RYR1: variants seen among roughly 807,000 people sequenced by gnomAD.
RYR1 encodes ryanodine receptor 1.
Under a neutral mutation model 583.5 loss-of-function variants are expected in RYR1, and 342 were observed. The observed-to-expected ratio is 0.59, with a 90% CI of 0.54 to 0.64. The LOEUF is 0.64. Ranked by LOEUF, RYR1 falls within the 30% of genes least tolerant of loss-of-function variation. The pLI, the probability that RYR1 is intolerant of heterozygous loss-of-function variation, is 0.00. For missense variants in RYR1, 6,032 were observed against 6,917.2 expected (o/e 0.87, Z 4.54); for synonymous variants, 2,791 against 2,822.5 (o/e 0.99, Z 0.35).
chr19:38,467,858 C>T, intron 25 of RYR1, 46 bp downstream of exon 25: 7 of 1,585,758 alleles, frequency 4.4e-6, no homozygotes, highest in Non-Finnish European at 6.0e-6. Flanking sequence ...TGTGGTCTCT[C>T]CCACAGCTTG....
rs1465699727 is a variant in RYR1, at chr19:38,442,459, G to A, written c.270+6G>A. On this transcript the variant is annotated splice_donor_region_variant and intron_variant, in intron 3 of 105. Coordinates refer to ENST00000359596, the MANE Select transcript of RYR1 (RefSeq NM_000540.3). ...CGGTGGAGGCTGGCGTGGAGGTGAG[G>A]ACCCCACCTGGGGGTGGGCGGGGTG... 3.7e-6 allele frequency: 6 copies of A among 1,609,678 alleles called. No homozygotes were observed. The African/African-American group carries it at 5.4e-5, about 14-fold the overall frequency.
intron 76 of RYR1, among the ~76,000 whole-genome samples, chr19:38,529,467 G>A (rs1181305044): frequency 4.6e-5 from 7 of 152,104 alleles, no homozygotes; most frequent in African/African-American, 1.4e-4. Context: ...GCGACAGAGC[G>A]AGACTCTGTC....
At chr19:38,481,426 G>A (rs543562303) in intron 31 of RYR1, among the ~76,000 whole-genome samples, 247 of 152,248 alleles carry the variant, frequency 1.6e-3, no homozygotes, top group Middle Eastern at 0.01. Flanking sequence ...GATTACAGGT[G>A]TGCACCACCA....
rs537454225 is a variant in RYR1, at chr19:38,513,453, C to G, written c.9472+970C>G. Among the ~76,000 whole-genome samples the G allele has an allele frequency of 2.9e-3, 449 of 152,288 alleles. 2 individuals are homozygous for G. The highest frequency in any genetic ancestry group is 0.01 in the African/African-American group (430 of 41,556). ...TTGAGCCCAGGATTTCAAGACCAAC[C>G]TGGGCAACATAGCAAAACCCCATCT... On this transcript the variant is annotated intron_variant, in intron 63 of 105. Coordinates refer to ENST00000359596, the MANE Select transcript of RYR1 (RefSeq NM_000540.3).
At chr19:38,553,741 C>T (rs896274705) in intron 89 of RYR1, among the ~76,000 whole-genome samples, 1 of 152,222 alleles carries the variant, frequency 6.6e-6, no homozygotes, top group Non-Finnish European at 1.5e-5. Flanking sequence ...CCCACATCTA[C>T]CATGGTAAAG....
rs1483453854 is a variant in RYR1 at position 38,565,102 on chromosome 19, G to GCCGGAGA, written c.12772_12778dup (p.Asp4260GlyfsTer325). On this transcript the variant is annotated frameshift_variant, in exon 91 of 106. Transcript: ENST00000359596. LOFTEE classifies it high-confidence loss of function. This position sits in a 1 kb window ranked among gnomAD's most constrained non-coding sequence, Gnocchi z 4.7. Reference sequence around the variant, plus strand: ...CGCAGATCTCGGAGCCCGAGGGCGAGCCGGAGACCGACGAGGACGAGGGCG... The same window carrying GCCGGAGA: ...CGCAGATCTCGGAGCCCGAGGGCGAGCCGGAGACCGGAGACCGACGAGGACGAGGGCG... 6.5e-7 allele frequency: 1 copy of GCCGGAGA among 1,547,352 alleles called. No homozygotes were observed. Among genetic ancestry groups the GCCGGAGA allele is most frequent in the Non-Finnish European group, 8.7e-7 (1 of 1,149,550 alleles).
At position 38,468,961 on chromosome 19, in the gene RYR1, C is replaced by T; in HGVS notation, c.3382-5C>T. ...ACACCATGTCTTCTCTGGCTGTCCT[C>T]ACAGGGCCAGCGCTGGCACTTGGGC... On this transcript the variant is annotated splice_region_variant and splice_polypyrimidine_tract_variant and intron_variant, in intron 25 of 105. Transcript: ENST00000359596. The T allele has an allele frequency of 6.2e-7, 1 of 1,614,118 alleles. No individual in the cohort carries two copies. Among genetic ancestry groups the T allele is most frequent in the Non-Finnish European group, 8.5e-7 (1 of 1,179,996 alleles).
chr19:38,500,122 G>GGTCCTGGA lies in RYR1; in HGVS notation c.7323+107_7323+114dup. On this transcript the variant is annotated intron_variant, in intron 45 of 105. Transcript: ENST00000359596. The surrounding 1 kb of genome is among the most constrained non-coding windows in gnomAD (Gnocchi z 5.9). ...ACGGAGTGAGCTCCCATATGTGGGT[G>GGTCCTGGA]GTCCTGGACTAGCAATGTTGGGGAC... 2.0e-6 allele frequency: 2 copies of GGTCCTGGA among 989,262 alleles called. No individual in the cohort carries two copies. The highest frequency in any genetic ancestry group is 3.1e-6 in the Non-Finnish European group (2 of 640,768). 61.3% of individuals were successfully genotyped at this position (989,262 alleles called of 1,614,324 possible).
At chr19:38,462,337 A>G (rs1003155939) in intron 20 of RYR1, among the ~76,000 whole-genome samples, 2 of 152,136 alleles carry the variant, frequency 1.3e-5, no homozygotes, top group Admixed American at 1.3e-4. Flanking sequence ...AGCACTCAAG[A>G]CAGTCACTCA....
chr19:38,486,214 C>A lies in RYR1; in HGVS notation c.5547+12C>A. On this transcript the variant is annotated intron_variant, in intron 34 of 105. Coordinates refer to ENST00000359596, the MANE Select transcript of RYR1 (RefSeq NM_000540.3). The stretch of plus-strand genomic sequence containing the variant: ...TGTCCACCCTGCTGGTAATGGCTTC[C>A]TCCTGCTTTCCTCTGTCCCATTCTT... 1 of 1,612,762 alleles carries A rather than the reference C, an allele frequency of 6.2e-7. No homozygotes were observed. The highest frequency in any genetic ancestry group is 8.5e-7 in the Non-Finnish European group (1 of 1,179,944).
At chr19:38,468,068 C>A (rs1250438955) in intron 25 of RYR1, among the ~76,000 whole-genome samples, 1 of 111,258 alleles carries the variant, frequency 9.0e-6, no homozygotes, top group Non-Finnish European at 1.9e-5. Context: ...ATCCATCCAT[C>A]CATCCATCCA....
intron 70 of RYR1, among the ~76,000 whole-genome samples, chr19:38,524,312 C>T (rs1426196205): frequency 0.083 from 2 of 24 alleles, no homozygotes; most frequent in African/African-American, 0.25. Context: ...GCAGCACCCT[C>T]GCCGTGGATG....
intron 91 of RYR1, among the ~76,000 whole-genome samples, chr19:38,566,172 G>A (rs1171312860): frequency 1.3e-5 from 2 of 152,148 alleles, no homozygotes; most frequent in East Asian, 3.9e-4. Flanking sequence ...AACTAAGCCA[G>A]GCGCGGTGGC....
intron 76 of RYR1, among the ~76,000 whole-genome samples, chr19:38,530,256 C>CTT (rs1411623446): frequency 6.6e-6 from 1 of 151,052 alleles, no homozygotes; most frequent in African/African-American, 2.4e-5. Flanking sequence ...ACCTGGCCTA[C>CTT]TTTTTTATTT....
At chr19:38,527,110 G>A (rs1049774113) in intron 72 of RYR1, 58 bp downstream of exon 72, 22 of 1,579,556 alleles carry the variant, frequency 1.4e-5, no homozygotes, top group Non-Finnish European at 1.9e-5. Context: ...CACAATATTA[G>A]TGAAGGTTTG....
At chr19:38,490,599 C>G (rs1209438726) in intron 36 of RYR1, 22 bp from the exon 37 acceptor site, 23 of 1,484,034 alleles carry the variant, frequency 1.5e-5, no homozygotes, top group Non-Finnish European at 2.2e-5. Context: ...GACCCTCATT[C>G]TAATCTTTGA....
intron 53 of RYR1, 78 bp from the exon 54 acceptor site, chr19:38,505,728 G>A: frequency 2.5e-6 from 4 of 1,575,608 alleles, no homozygotes; most frequent in South Asian, 2.3e-5. Context: ...ACATGGTCAG[G>A]GTTTTCTCCT....
At chr19:38,553,303 C>G (rs1327684028) in intron 89 of RYR1, among the ~76,000 whole-genome samples, 2 of 149,618 alleles carry the variant, frequency 1.3e-5, no homozygotes, top group African/African-American at 4.9e-5. Flanking sequence ...CCACTGCACT[C>G]CAGCCTGGGT....
At position 38,502,740 on chromosome 19, in the gene RYR1, AGGCTTCAGGGT is replaced by A. The variant is rs752436026; in HGVS notation, c.7835+16_7835+26del. The stretch of plus-strand genomic sequence containing the variant: ...TGTCGCTCTGCAGGTGGAGCGGGGC[AGGCTTCAGGGT>A]GGGGCAGGGGCAGGGGCAGGGGCAG... On this transcript the variant is annotated intron_variant, in intron 48 of 105. Coordinates refer to ENST00000359596, the MANE Select transcript of RYR1 (RefSeq NM_000540.3). 54 of 1,188,502 alleles carry A rather than the reference AGGCTTCAGGGT, an allele frequency of 4.5e-5. No individual in the cohort carries two copies. Among genetic ancestry groups the A allele is most frequent in the South Asian group, 5.2e-5 (4 of 77,496 alleles). 73.6% of individuals were successfully genotyped at this position (1,188,502 alleles called of 1,614,324 possible).
Sources: gnomAD v4.1 joint callset for allele counts (sites outside exome capture counted in the v4.1 genomes callset) on GRCh38, gnomAD v4.1.1 for gene constraint, Gnocchi (gnomAD v3.1) non-coding constraint, MANE v1.5 for transcripts, NCBI Gene and HGNC (gene_info 2026-07-23, HGNC 2026-07-21) for gene names.